CRTAC1: variants seen among roughly 807,000 people sequenced by gnomAD.
CRTAC1 encodes the protein cartilage acidic protein 1.
In CRTAC1, 37 loss-of-function variants were observed where a neutral mutation model predicts 67.8. The observed-to-expected ratio is 0.55, with a 90% CI of 0.42 to 0.72. The LOEUF (loss-of-function observed/expected upper bound fraction) is 0.72, where lower values mean the gene tolerates loss of function less well. Among genes scored for constraint, CRTAC1 ranks in the 30% least tolerant of loss-of-function variants. The probability of loss-of-function intolerance (pLI) is 0.00; values close to 1 mark genes in which losing one functional copy is unlikely to be tolerated. For missense variants in CRTAC1, 780 were observed against 931.6 expected, an observed-to-expected ratio of 0.84 and a Z score of 2.12; for synonymous variants, 348 against 371.0, an observed-to-expected ratio of 0.94 and a Z score of 0.71.
chr10:97,950,238 CACACACACAGAG>C lies in CRTAC1; in HGVS notation c.225-13884_225-13873del, dbSNP rs1273446753. Among the ~76,000 whole-genome samples the C allele has an allele frequency of 4.4e-3, 305 of 69,766 alleles. 2 individuals are homozygous for C. Among genetic ancestry groups the C allele is most frequent in the Middle Eastern group, 7.0e-3 (1 of 142 alleles). The allele number at this position is 69,766 out of a possible 152,430, so 45.8% of individuals were successfully genotyped here. The stretch of plus-strand genomic sequence containing the variant: ...TGTTGGTTTTGCATGTACGTGCACA[CACACACACAGAG>C]AGAGAGAGAGAGAGAGAGAGAGAGA... On this transcript the variant is annotated intron_variant, in intron 2 of 14. Coordinates refer to ENST00000370597, the MANE Select transcript of CRTAC1 (RefSeq NM_018058.7).
intron 2 of CRTAC1, among the ~76,000 whole-genome samples, chr10:97,981,829 AAAAAC>A (rs2051896902): frequency 6.6e-6 from 1 of 152,248 alleles, no homozygotes; most frequent in Non-Finnish European, 1.5e-5. Flanking sequence ...TTTTGTTAAT[AAAAAC>A]AAGAGTCTGA....
chr10:97,976,866 T>C (rs1004721904), intron 2 of CRTAC1, among the ~76,000 whole-genome samples: 1 of 152,246 alleles, frequency 6.6e-6, no homozygotes, highest in Non-Finnish European at 1.5e-5. Context: ...CCTTGAGTGA[T>C]TGGCAAAGTT....
At chr10:98,006,585 T>C (rs762617197) in intron 2 of CRTAC1, among the ~76,000 whole-genome samples, 1 of 152,000 alleles carries the variant, frequency 6.6e-6, no homozygotes, top group Non-Finnish European at 1.5e-5. Flanking sequence ...AAGCTCAAAA[T>C]CAATGCTGTC....
At chr10:97,939,174 G>T (rs562430160) in intron 2 of CRTAC1, among the ~76,000 whole-genome samples, 1 of 152,306 alleles carries the variant, frequency 6.6e-6, no homozygotes, top group African/African-American at 2.4e-5. Flanking sequence ...AGAGGTGAGG[G>T]ATCATGGCCT....
At chr10:98,025,845 G>A (rs1843221801) in intron 1 of CRTAC1, among the ~76,000 whole-genome samples, 1 of 152,154 alleles carries the variant, frequency 6.6e-6, no homozygotes, top group African/African-American at 2.4e-5. Context: ...ATAGCTCAGG[G>A]CCCTCCATCA....
rs769852925 is a variant in CRTAC1 at position 97,919,771 on chromosome 10, C to CTTTTTTT, written c.559-2122_559-2116dup. The stretch of plus-strand genomic sequence containing the variant: ...GAGATGCACTGCTTTACAGTACAGC[C>CTTTTTTT]TTTTTTTTTTTTTTTAAGACAGGGT... On this transcript the variant is annotated intron_variant, in intron 4 of 14. Transcript: ENST00000370597. 6.7e-3 allele frequency among the ~76,000 whole-genome samples: 712 copies of CTTTTTTT among 106,264 alleles called. 32 individuals carry two copies. The highest frequency in any genetic ancestry group is 0.024 in the African/African-American group (655 of 27,656). 69.7% of individuals were successfully genotyped at this position (106,264 alleles called of 152,430 possible).
intron 2 of CRTAC1, among the ~76,000 whole-genome samples, chr10:97,965,162 C>A (rs1311497237): frequency 6.6e-6 from 1 of 152,244 alleles, no homozygotes; most frequent in East Asian, 1.9e-4. Flanking sequence ...TGATTGACCA[C>A]AGGCTCGTGG....
chr10:98,025,459 G>T (rs1478680492), intron 1 of CRTAC1, among the ~76,000 whole-genome samples: 1 of 152,186 alleles, frequency 6.6e-6, no homozygotes, highest in Admixed American at 6.5e-5. Context: ...AAAATCATGA[G>T]TGGTTCAGGG....
chr10:98,000,302 C>T (rs1217673060), intron 2 of CRTAC1, among the ~76,000 whole-genome samples: 2 of 152,198 alleles, frequency 1.3e-5, no homozygotes, highest in African/African-American at 2.4e-5. Context: ...CCTCGAGCCA[C>T]GGCTGTGACT....
intron 5 of CRTAC1, among the ~76,000 whole-genome samples, chr10:97,912,972 G>A (rs565008212): frequency 1.6e-4 from 25 of 152,304 alleles, no homozygotes; most frequent in African/African-American, 5.5e-4. Context: ...GAGGCCCCTC[G>A]GCCAGGGAAC....
intron 14 of CRTAC1, chr10:97,879,631 T>C (rs2050185451): frequency 3.9e-6 from 6 of 1,528,366 alleles, no homozygotes; most frequent in Non-Finnish European, 5.3e-6. Flanking sequence ...AGAGATTTAG[T>C]TTTCCACAAA....
At chr10:97,994,089 T>C (rs1842511983) in intron 2 of CRTAC1, among the ~76,000 whole-genome samples, 1 of 152,116 alleles carries the variant, frequency 6.6e-6, no homozygotes, top group South Asian at 2.1e-4. Flanking sequence ...AGTCCTAACC[T>C]CAAGTGATCT....
At chr10:97,997,292 C>CAA (rs200641021) in intron 2 of CRTAC1, among the ~76,000 whole-genome samples, 16 of 135,122 alleles carry the variant, frequency 1.2e-4, no homozygotes, top group East Asian at 6.3e-4. Flanking sequence ...TAGTCAAATA[C>CAA]AAAAAAAAAA....
intron 14 of CRTAC1, chr10:97,866,469 T>A (rs2050026320): frequency 6.6e-6 from 1 of 152,196 alleles, no homozygotes. Context: ...GGGGCCTGAA[T>A]CTCCTGAACT....
intron 2 of CRTAC1, among the ~76,000 whole-genome samples, chr10:97,946,815 G>A (rs1468131586): frequency 6.6e-6 from 1 of 152,124 alleles, no homozygotes; most frequent in Non-Finnish European, 1.5e-5. Flanking sequence ...AGAAGCCCCA[G>A]AAAGAAGTAA....
chr10:97,952,586 C>A lies in CRTAC1; in HGVS notation c.225-16220G>T, dbSNP rs574181566. ...AAGAACGCAAATTCTAGAGCACTAC[C>A]CAGACCTACTGATTAGAATTGCTAG... On this transcript the variant is annotated intron_variant, in intron 2 of 14. Coordinates refer to ENST00000370597, the MANE Select transcript of CRTAC1 (RefSeq NM_018058.7). Among the ~76,000 whole-genome samples, 172 of 149,794 alleles carry A rather than the reference C, an allele frequency of 1.1e-3. 1 individual carries two copies. The highest frequency in any genetic ancestry group is 3.9e-3 in the African/African-American group (158 of 40,414).
At chr10:97,891,327 A>G (rs756607708) in intron 11 of CRTAC1, among the ~76,000 whole-genome samples, 1 of 152,042 alleles carries the variant, frequency 6.6e-6, no homozygotes, top group Admixed American at 6.5e-5. Context: ...CGTTCTTTGG[A>G]CTGGACCTTC....
rs967773594 is a variant in CRTAC1, at chr10:97,908,059, G to A, written c.804C>T (p.Phe268=). The A allele has an allele frequency of 3.7e-6, 6 of 1,614,094 alleles. No individual in the cohort carries two copies. In the African/African-American group the frequency reaches 8.0e-5, roughly 22 times the overall value. Residue 268 remains phenylalanine (F), a synonymous_variant, in exon 6 of 15, where the codon TTC becomes TTT. Transcript: ENST00000370597. ...CDNENGPNFL[F]HNRGDGTFVD... is the part of the protein sequence containing the mutation. ...CAAAGGTGCCATCGCCCCGGTTGTG[G>A]AAAAGGAAGTTAGGCCCATTCTCAT...
chr10:97,957,046 G>C (rs2051452130), intron 2 of CRTAC1, among the ~76,000 whole-genome samples: 1 of 151,874 alleles, frequency 6.6e-6, no homozygotes, highest in South Asian at 2.1e-4. Flanking sequence ...GAGCTCCTGG[G>C]CTCAGTGATC....
Sources: allele counts gnomAD v4.1 joint callset (sites outside exome capture counted in the v4.1 genomes callset), GRCh38; gene constraint gnomAD v4.1.1; transcripts MANE v1.5; gene names NCBI Gene and HGNC (gene_info 2026-07-23, HGNC 2026-07-21).